KALRN: variants seen among roughly 807,000 people sequenced by gnomAD.
KALRN encodes kalirin.
In KALRN, 70 loss-of-function variants were observed where a neutral mutation model predicts 353.7. The ratio of observed to expected loss-of-function variants is 0.20; its 90% CI spans 0.16 to 0.24. The LOEUF is 0.24. KALRN is among the 10% of genes least tolerant of loss of function. KALRN has a pLI of 1.00. For synonymous variants in KALRN, 1,391 were observed against 1,434.8 expected, an observed-to-expected ratio of 0.97 and a Z score of 0.69; for missense variants, 2,791 against 3,756.7, an observed-to-expected ratio of 0.74 and a Z score of 6.72.
At position 124,438,812 on chromosome 3, in the gene KALRN, T is replaced by C. The variant is rs2093568231; in HGVS notation, c.3049-76T>C. The C allele has an allele frequency of 4.4e-6, 6 of 1,355,842 alleles. No homozygotes were observed. The Admixed American group carries it at 1.2e-4, about 28-fold the overall frequency. The allele number at this position is 1,355,842 out of a possible 1,614,324, so 84.0% of individuals were successfully genotyped here. ...ATGAAAAATGTCATATGTGTAGGCT[T>C]CTATAGGCTGAAGGTCCTCAGAGAA... is the stretch of plus-strand genomic sequence containing the variant. On this transcript the variant is annotated intron_variant, in intron 17 of 59. Coordinates refer to ENST00000682506, the MANE Select transcript of KALRN (RefSeq NM_001388419.1).
At chr3:124,094,913 AGT>A in intron 1 of KALRN, 2 of 1,612,808 alleles carry the variant, frequency 1.2e-6, no homozygotes, top group Non-Finnish European at 1.7e-6. Context: ...AGGTATCCTG[AGT>A]GTGTGTATGC....
intron 1 of KALRN, among the ~76,000 whole-genome samples, chr3:124,063,216 A>G (rs763166728): frequency 2.0e-5 from 3 of 152,218 alleles, no homozygotes; most frequent in Non-Finnish European, 2.9e-5. Context: ...CTGTCTCCAG[A>G]AGGACTTGTG....
At chr3:124,298,181 G>A (rs966920700) in intron 5 of KALRN, among the ~76,000 whole-genome samples, 1 of 152,160 alleles carries the variant, frequency 6.6e-6, no homozygotes, top group Non-Finnish European at 1.5e-5. Context: ...GCTAGGAGGA[G>A]GAAGATGGCT....
rs573858834 is a variant in KALRN, at chr3:124,072,825, G to T, written c.73+39012G>T. Among the ~76,000 whole-genome samples the T allele has an allele frequency of 5.3e-5, 8 of 152,336 alleles. No homozygotes were observed. The East Asian group carries it at 1.3e-3, about 26-fold the overall frequency. ...TTTAGAGAAAGATTGTGTAGAAGTT[G>T]CTGGCCAGCCAGGGCACTTCTGAAA... On this transcript the variant is annotated intron_variant, in intron 1 of 59. Coordinates refer to ENST00000682506, the MANE Select transcript of KALRN (RefSeq NM_001388419.1).
chr3:124,529,980 T>C (rs926435764), intron 33 of KALRN, among the ~76,000 whole-genome samples: 22 of 152,172 alleles, frequency 1.4e-4, no homozygotes, highest in Admixed American at 8.5e-4. Context: ...ACAGTGTTGA[T>C]TGCAAATGCG....
intron 34 of KALRN, among the ~76,000 whole-genome samples, chr3:124,629,989 G>A (rs2080578323): frequency 1.3e-5 from 2 of 152,286 alleles, no homozygotes; most frequent in South Asian, 4.1e-4. Flanking sequence ...TTTGCATGCT[G>A]ATGCTCCTGT....
chr3:124,443,016 A>G (rs2093717464), intron 19 of KALRN, among the ~76,000 whole-genome samples: 1 of 152,116 alleles, frequency 6.6e-6, no homozygotes, highest in Non-Finnish European at 1.5e-5. Flanking sequence ...AAAAAGAAAA[A>G]AAGAACAAAG....
intron 34 of KALRN, 35 bp from the exon 35 acceptor site, chr3:124,632,385 C>A (rs1428114387): frequency 6.2e-7 from 1 of 1,606,600 alleles, no homozygotes; most frequent in Admixed American, 1.7e-5. Context: ...GCCTTCACCA[C>A]CTCTGACATG....
intron 4 of KALRN, among the ~76,000 whole-genome samples, chr3:124,267,948 G>T (rs2073752773): frequency 6.6e-6 from 1 of 152,186 alleles, no homozygotes; most frequent in African/African-American, 2.4e-5. Context: ...TTAATAGCTT[G>T]CCCTGGGTCA....
rs75241633 is a variant in KALRN at position 124,218,428 on chromosome 3, G to A, written c.74-9562G>A. 5.2e-4 allele frequency among the ~76,000 whole-genome samples: 79 copies of A among 152,256 alleles called. 1 individual carries two copies. The East Asian group carries it at 0.015, about 29-fold the overall frequency. ...AACTCTCTCCAAATATATTATAATA[G>A]CAAATACACAGCTAATGTTCAACAG... On this transcript the variant is annotated intron_variant, in intron 1 of 59. Transcript: ENST00000682506.
chr3:124,048,871 C>T (rs761019766), intron 1 of KALRN, among the ~76,000 whole-genome samples: 1 of 152,126 alleles, frequency 6.6e-6, no homozygotes, highest in Non-Finnish European at 1.5e-5. Flanking sequence ...ACATTTATAA[C>T]CCAGATTTTC....
chr3:124,065,448 T>G (rs563466556), intron 1 of KALRN, among the ~76,000 whole-genome samples: 242 of 152,308 alleles, frequency 1.6e-3, no homozygotes, highest in Non-Finnish European at 2.8e-3. Context: ...TGCCCTCATA[T>G]TTAAGAGATT....
chr3:124,674,742 A>T (rs751220083), intron 49 of KALRN, 128 bp downstream of exon 49: 32 of 1,066,768 alleles, frequency 3.0e-5, no homozygotes, highest in Non-Finnish European at 3.9e-5. Flanking sequence ...ACAGTACCAC[A>T]GAACCAGTGT....
At chr3:124,640,293 T>C (rs2081897719) in intron 37 of KALRN, among the ~76,000 whole-genome samples, 1 of 149,574 alleles carries the variant, frequency 6.7e-6, no homozygotes, top group African/African-American at 2.5e-5. Context: ...TTTCTTTTTT[T>C]TTTTTTTTTT....
intron 26 of KALRN, among the ~76,000 whole-genome samples, chr3:124,474,974 C>A (rs1190041282): frequency 6.6e-6 from 1 of 152,162 alleles, no homozygotes; most frequent in Non-Finnish European, 1.5e-5. Flanking sequence ...GACTACCACC[C>A]CTGGCAGAGG....
intron 6 of KALRN, among the ~76,000 whole-genome samples, chr3:124,313,971 C>T (rs189746450): frequency 1.5e-3 from 222 of 152,212 alleles, no homozygotes; most frequent in Non-Finnish European, 2.6e-3. Flanking sequence ...CTTGAGGAAT[C>T]GCCACCCTGT....
chr3:124,446,956 A>C, intron 21 of KALRN, 71 bp downstream of exon 21: 1 of 1,559,530 alleles, frequency 6.4e-7, no homozygotes, highest in South Asian at 1.2e-5. Flanking sequence ...CACATTATGG[A>C]AGCAAAGACA....
At chr3:124,506,729 C>T (rs2065273673) in intron 33 of KALRN, among the ~76,000 whole-genome samples, 2 of 152,232 alleles carry the variant, frequency 1.3e-5, no homozygotes. Context: ...ACCCTCTCTC[C>T]TGCTAGCTAG....
At chr3:124,599,690 A>G (rs371963590) in intron 34 of KALRN, among the ~76,000 whole-genome samples, 1 of 152,178 alleles carries the variant, frequency 6.6e-6, no homozygotes, top group Non-Finnish European at 1.5e-5. Context: ...CCATTCCACA[A>G]AGGGATTTAA....
Sources: allele counts gnomAD v4.1 joint callset (sites outside exome capture counted in the v4.1 genomes callset), GRCh38; gene constraint gnomAD v4.1.1; transcripts MANE v1.5; gene names NCBI Gene and HGNC (gene_info 2026-07-23, HGNC 2026-07-21).